The following RECK variants were observed in gnomAD, a reference collection of about 807,000 sequenced individuals.
RECK encodes the protein reversion-inducing cysteine-rich protein with Kazal motifs.
Under a neutral mutation model 115.1 loss-of-function variants are expected in RECK, and 69 were observed. That is an observed-to-expected ratio of 0.60 (90% CI 0.49 to 0.73). The LOEUF is 0.73. Ranked by LOEUF, RECK falls within the 30% of genes least tolerant of loss-of-function variation. The probability of loss-of-function intolerance (pLI) is 0.00; values close to 1 mark genes in which losing one functional copy is unlikely to be tolerated. For missense variants in RECK, 1,047 were observed against 1,203.7 expected (o/e 0.87, Z 1.93); for synonymous variants, 414 against 419.7 (o/e 0.99, Z 0.17).
At chr9:36,116,372 C>A (rs1253508884) in intron 16 of RECK, among the ~76,000 whole-genome samples, 1 of 152,166 alleles carries the variant, frequency 6.6e-6, no homozygotes, top group East Asian at 1.9e-4. Context: ...GGTGATCCAC[C>A]CGCCTCGGCC....
intron 7 of RECK, among the ~76,000 whole-genome samples, chr9:36,082,152 T>TCTCTCTCTCTCTCTCTCTCTCTCTC: frequency 8.8e-6 from 1 of 113,714 alleles, no homozygotes; most frequent in African/African-American, 3.2e-5. Flanking sequence ...CCTCCCTGCT[T>TCTCTCTCTCTCTCTCTCTCTCTCTC]TCTCTCTCTC....
At chr9:36,051,900 C>G (rs1419749201) in intron 1 of RECK, among the ~76,000 whole-genome samples, 1 of 152,150 alleles carries the variant, frequency 6.6e-6, no homozygotes, top group Non-Finnish European at 1.5e-5. Flanking sequence ...TATCAGTTGA[C>G]TTTTTATTAT....
chr9:36,057,245 A>G (rs1368586802), intron 2 of RECK, among the ~76,000 whole-genome samples: 1 of 152,082 alleles, frequency 6.6e-6, no homozygotes, highest in Non-Finnish European at 1.5e-5. Flanking sequence ...CTTCACCAGT[A>G]TCACGGGTTT....
chr9:36,066,708 C>A, intron 6 of RECK: 2 of 891,044 alleles, frequency 2.2e-6, no homozygotes, highest in Non-Finnish European at 3.0e-6. Context: ...AACAAAGTGG[C>A]TAACTGTGAT....
chr9:36,120,084 A>C (rs1442034517), intron 18 of RECK, among the ~76,000 whole-genome samples: 1 of 151,974 alleles, frequency 6.6e-6, no homozygotes, highest in Non-Finnish European at 1.5e-5. Flanking sequence ...AATACAAAAA[A>C]ATTAGCCGGG....
Position 36,100,424 on chromosome 9 carries a change from A to T in RECK, c.1179A>T (p.Pro393=). ...GGGAGAAAGGAAGCATAAAGATGCC[A>T]TTTATCAATATACCTGTTCTTGATA... is the stretch of plus-strand genomic sequence containing the variant. The part of the protein sequence containing the change: ...KLWEKGSIKM[P]FINIPVLDIK... Residue 393 remains proline (P), a synonymous_variant, in exon 11 of 21, where the codon CCA becomes CCT. Coordinates refer to ENST00000377966, the MANE Select transcript of RECK (RefSeq NM_021111.3). The T allele has an allele frequency of 1.9e-6, 3 of 1,613,936 alleles. No homozygotes were observed. The African/African-American group carries it at 4.0e-5, about 22-fold the overall frequency.
intron 1 of RECK, among the ~76,000 whole-genome samples, chr9:36,043,048 C>T (rs1422134353): frequency 1.2e-5 from 1 of 84,616 alleles, no homozygotes; most frequent in Non-Finnish European, 2.0e-5. Context: ...TTTGTTGAGA[C>T]GGAGTCTCGC....
At chr9:36,089,718 G>A (rs1021190079) in intron 9 of RECK, among the ~76,000 whole-genome samples, 4 of 152,060 alleles carry the variant, frequency 2.6e-5, no homozygotes, top group African/African-American at 7.2e-5. Flanking sequence ...AATGAATGTC[G>A]TGTTTAGACT....
chr9:36,053,085 T>G (rs1451237429), intron 2 of RECK, among the ~76,000 whole-genome samples: 3 of 152,204 alleles, frequency 2.0e-5, no homozygotes, highest in African/African-American at 7.2e-5. Context: ...AATAATAGTT[T>G]GTGTATATAT....
chr9:36,080,079 T>C (rs7030320), intron 6 of RECK, among the ~76,000 whole-genome samples: 3,873 of 152,266 alleles, frequency 0.025, 171 homozygotes, highest in African/African-American at 0.087. Context: ...TTTCAAGTCT[T>C]GTTTAAAATT....
intron 4 of RECK, among the ~76,000 whole-genome samples, chr9:36,061,974 C>T (rs1217407318): frequency 6.6e-6 from 1 of 151,984 alleles, no homozygotes; most frequent in Non-Finnish European, 1.5e-5. Context: ...TTACTTACTG[C>T]CTTGAATCCC....
chr9:36,109,851 A>AT, intron 14 of RECK, 106 bp from the exon 15 acceptor site: 1 of 1,205,778 alleles, frequency 8.3e-7, no homozygotes. Flanking sequence ...TCAAAAAAAA[A>AT]AAAAGGAATT....
At chr9:36,083,169 G>A (rs1822797664) in intron 7 of RECK, among the ~76,000 whole-genome samples, 196 bp from the exon 8 acceptor site, 1 of 152,172 alleles carries the variant, frequency 6.6e-6, no homozygotes, top group Admixed American at 6.6e-5. Flanking sequence ...GATGATTAAT[G>A]ACTTTATTAC....
chr9:36,095,939 G>T (rs113248239), intron 10 of RECK, among the ~76,000 whole-genome samples: 3,775 of 150,710 alleles, frequency 0.025, 171 homozygotes, highest in African/African-American at 0.086. Context: ...AGCCAGGCAT[G>T]GTGGCGGGCA....
intron 6 of RECK, among the ~76,000 whole-genome samples, chr9:36,066,134 ATCT>A (rs1203774206): frequency 1.3e-5 from 2 of 152,182 alleles, no homozygotes; most frequent in Non-Finnish European, 2.9e-5. Context: ...AAGGACTCTC[ATCT>A]CAATAGTGGG....
chr9:36,058,508 G>T (rs1280120943), intron 2 of RECK, among the ~76,000 whole-genome samples: 3 of 112,616 alleles, frequency 2.7e-5, no homozygotes, highest in South Asian at 7.2e-4. Context: ...GTTGTGGGGT[G>T]GGGGGAGGGG....
At chr9:36,092,694 C>T (rs568584412) in intron 10 of RECK, among the ~76,000 whole-genome samples, 1 of 151,824 alleles carries the variant, frequency 6.6e-6, no homozygotes, top group Non-Finnish European at 1.5e-5. Flanking sequence ...GAGTGGCCAA[C>T]GTCTCTTGAA....
chr9:36,083,227 G>A (rs1822800002), intron 7 of RECK, 138 bp from the exon 8 acceptor site: 5 of 853,950 alleles, frequency 5.9e-6, no homozygotes, highest in African/African-American at 3.4e-5. Context: ...CAGAAGTGCC[G>A]ATTTTAAGTG....
chr9:36,123,442 T>C lies in RECK; in HGVS notation c.*397T>C, dbSNP rs1487016697. 4 of 160,716 alleles carry C rather than the reference T, an allele frequency of 2.5e-5. No individual in the cohort carries two copies. The highest frequency in any genetic ancestry group is 2.7e-5 in the Non-Finnish European group (2 of 73,730). 10.0% of individuals were successfully genotyped at this position (160,716 alleles called of 1,614,324 possible). A position where few individuals can be genotyped will look rare whatever the true frequency, so the allele number is the denominator to read the frequency against. On this transcript the variant is annotated 3_prime_UTR_variant, in exon 21 of 21. Transcript: ENST00000377966. The stretch of plus-strand genomic sequence containing the variant: ...AGAGTTCTTTTTGAAGTATTTAAGG[T>C]TCCCGTTGCATTTGTTTTGTTTACA...
Sources: allele counts gnomAD v4.1 joint callset (sites outside exome capture counted in the v4.1 genomes callset), GRCh38; gene constraint gnomAD v4.1.1; transcripts MANE v1.5; gene names NCBI Gene and HGNC (gene_info 2026-07-23, HGNC 2026-07-21).